ODF2L: variants seen among roughly 807,000 people sequenced by gnomAD.
ODF2L encodes outer dense fiber of sperm tails 2 like, also known as protein BCAP.
A neutral mutation model predicts 86.3 loss-of-function variants in ODF2L; 76 were observed. That is an observed-to-expected ratio of 0.88 (90% CI 0.73 to 1.07). ODF2L has a LOEUF of 1.07. Ranked by LOEUF, ODF2L falls within the 50% of genes least tolerant of loss-of-function variation. The pLI is 0.00. For synonymous variants in ODF2L, 241 were observed against 231.3 expected (o/e 1.04, Z -0.38); for missense variants, 748 against 717.4 (o/e 1.04, Z -0.49).
intron 11 of ODF2L, among the ~76,000 whole-genome samples, chr1:86,364,206 T>A (rs562393618): frequency 6.6e-4 from 101 of 152,132 alleles, no homozygotes; most frequent in Non-Finnish European, 1.3e-3. Context: ...TTCAAGAAAA[T>A]AAGAAAATAA....
rs746213642 is a variant in ODF2L at position 86,360,430 on chromosome 1, GT to G, written c.1249del (p.Thr417LeufsTer12). ...TAAAATAAATGCAGTAGTCACCTGAGTTTTATACATTTCAATAAGGGTTTTC... is the reference window on the plus strand; with the variant it reads ...TAAAATAAATGCAGTAGTCACCTGAGTTTATACATTTCAATAAGGGTTTTC... On this transcript the variant is annotated frameshift_variant, in exon 12 of 18. Transcript: ENST00000317336. LOFTEE classifies it high-confidence loss of function. 4.5e-5 allele frequency: 65 copies of G among 1,437,016 alleles called. 1 individual carries two copies. The South Asian group carries it at 7.3e-4, about 16-fold the overall frequency. The allele number at this position is 1,437,016 out of a possible 1,614,324, so 89.0% of individuals were successfully genotyped here.
chr1:86,367,309 C>A (rs1659509138), intron 11 of ODF2L, among the ~76,000 whole-genome samples: 1 of 152,116 alleles, frequency 6.6e-6, no homozygotes, highest in African/African-American at 2.4e-5. Context: ...TTCTAATTTT[C>A]TCTGTCTTAA....
chr1:86,383,092 T>C, intron 5 of ODF2L, 42 bp downstream of exon 5: 1 of 1,365,500 alleles, frequency 7.3e-7, no homozygotes, highest in African/African-American at 1.4e-5. Context: ...CAAATAACAA[T>C]GACAGGAAGA....
chr1:86,376,297 T>G (rs1317477724), exon 8 of ODF2L: 2 of 1,613,206 alleles, frequency 1.2e-6, no homozygotes, highest in Non-Finnish European at 1.7e-6. Context: ...CCTTTGTTTG[T>G]AAACTTTAGA....
chr1:86,355,886 T>C (rs895640346), intron 14 of ODF2L: 2 of 158,752 alleles, frequency 1.3e-5, no homozygotes, highest in East Asian at 1.9e-4. Context: ...TGTCACCATC[T>C]TTGGACTGCT....
chr1:86,383,666 C>T (rs945500874), intron 4 of ODF2L, among the ~76,000 whole-genome samples: 1 of 151,728 alleles, frequency 6.6e-6, no homozygotes, highest in Non-Finnish European at 1.5e-5. Flanking sequence ...AGTCATACTT[C>T]TGCTTTAGAA....
intron 8 of ODF2L, among the ~76,000 whole-genome samples, 200 bp from the exon 9 acceptor site, chr1:86,372,740 A>G (rs1432837941): frequency 3.3e-5 from 5 of 152,222 alleles, no homozygotes; most frequent in African/African-American, 1.2e-4. Flanking sequence ...AATGCCCACC[A>G]ACCAATGAGT....
At chr1:86,377,159 AC>A (rs1281907980) in intron 7 of ODF2L, among the ~76,000 whole-genome samples, 1 of 152,148 alleles carries the variant, frequency 6.6e-6, no homozygotes. Context: ...GGGCTACAGG[AC>A]CCATGCAAGT....
intron 7 of ODF2L, among the ~76,000 whole-genome samples, chr1:86,381,036 A>C (rs768023275): frequency 4.6e-5 from 7 of 152,052 alleles, no homozygotes; most frequent in Non-Finnish European, 7.4e-5. Flanking sequence ...TGAACCCCTT[A>C]ATCACTTAAT....
At position 86,356,684 on chromosome 1, in the gene ODF2L, T is replaced by C. The variant is rs1330191145; in HGVS notation, c.1360-82A>G. The C allele has an allele frequency of 1.6e-5, 19 of 1,172,244 alleles. No individual in the cohort carries two copies. The South Asian group carries it at 3.6e-4, about 22-fold the overall frequency. The allele number at this position is 1,172,244 out of a possible 1,614,324, so 72.6% of individuals were successfully genotyped here. A position where few individuals can be genotyped will look rare whatever the true frequency, so the allele number is the denominator to read the frequency against. On this transcript the variant is annotated intron_variant, in intron 13 of 17. Transcript: ENST00000317336. ...TTATTATCTTAAATACTAGATATGC[T>C]TATAACGTAAGTATTTTAGGTATAA...
At chr1:86,356,983 T>C (rs1347030995) in intron 13 of ODF2L, among the ~76,000 whole-genome samples, 1 of 152,244 alleles carries the variant, frequency 6.6e-6, no homozygotes, top group Non-Finnish European at 1.5e-5. Context: ...TTGTCACTTT[T>C]AGTCATTCAA....
chr1:86,383,832 T>G (rs1272390230), intron 4 of ODF2L, among the ~76,000 whole-genome samples: 1 of 151,780 alleles, frequency 6.6e-6, no homozygotes, highest in Non-Finnish European at 1.5e-5. Context: ...TTCCTTTCTA[T>G]TCAAAAAATA....
chr1:86,377,105 TA>T (rs1157134048), intron 7 of ODF2L, among the ~76,000 whole-genome samples: 1 of 152,082 alleles, frequency 6.6e-6, no homozygotes, highest in Non-Finnish European at 1.5e-5. Flanking sequence ...AGGTATTAGG[TA>T]AATGTTCCCA....
chr1:86,384,695 C>T lies in ODF2L; in HGVS notation c.353G>A (p.Arg118Lys). 2.0e-6 allele frequency: 3 copies of T among 1,500,852 alleles called. No homozygotes were observed. Among genetic ancestry groups the T allele is most frequent in the Non-Finnish European group, 2.7e-6 (3 of 1,125,758 alleles). The allele number at this position is 1,500,852 out of a possible 1,614,324, so 93.0% of individuals were successfully genotyped here. Residue 118 changes from arginine (R) to lysine (K), a missense_variant, in exon 4 of 18, where the codon AGA (arginine) becomes AAA (lysine). Arg to Lys is a conservative substitution (Grantham distance 26, BLOSUM62 2). Coordinates refer to ENST00000317336, the Ensembl canonical transcript of ODF2L. ...CCTTACTTGTTTGTAGTCTCTCTTT[C>T]TAAGAAGATGTTCTAAAGCTAGTTT... is the stretch of plus-strand genomic sequence containing the variant.
In ODF2L at chr1:86,392,544, A is replaced by C. The variant is rs541194383; in HGVS notation, c.-60+3489T>G. ...GATGGAATTGGAGACTATTACTCTA[A>C]GTGAAGTAACTCAGCAATAAAAAAC... On this transcript the variant is annotated intron_variant, in intron 1 of 17. Coordinates refer to ENST00000317336, the Ensembl canonical transcript of ODF2L. Among the ~76,000 whole-genome samples, 35 of 152,342 alleles carry C rather than the reference A, an allele frequency of 2.3e-4. 1 individual carries two copies. The South Asian group carries it at 6.8e-3, about 30-fold the overall frequency.
chr1:86,378,758 T>C lies in ODF2L; in HGVS notation c.625-2340A>G, dbSNP rs570160424. On this transcript the variant is annotated intron_variant, in intron 7 of 17. Coordinates refer to ENST00000317336, the Ensembl canonical transcript of ODF2L. The stretch of plus-strand genomic sequence containing the variant: ...AGGATGGGGGAAACCACCCCCATGA[T>C]CCAATCACCTCCCACCAGGTCTCTC... 2.8e-3 allele frequency among the ~76,000 whole-genome samples: 422 copies of C among 152,096 alleles called. 2 individuals carry two copies. Among genetic ancestry groups the C allele is most frequent in the African/African-American group, 9.8e-3 (406 of 41,508 alleles).
chr1:86,354,871 A>T lies in ODF2L; in HGVS notation c.1519-12T>A, dbSNP rs1658419190. The T allele has an allele frequency of 6.6e-7, 1 of 1,515,814 alleles. No individual in the cohort carries two copies. The highest frequency in any genetic ancestry group is 9.0e-7 in the Non-Finnish European group (1 of 1,110,952). The allele number at this position is 1,515,814 out of a possible 1,614,324, so 93.9% of individuals were successfully genotyped here. On this transcript the variant is annotated splice_polypyrimidine_tract_variant and intron_variant, in intron 14 of 17. Transcript: ENST00000317336. ...TGATTTCCATCAACCTAAAAGAAAA[A>T]AAAAAGTTTTCTTAGTCATTTTCTT... is the stretch of plus-strand genomic sequence containing the variant.
At chr1:86,347,881 GTTCTTT>G (rs1176522172), downstream of ODF2L, 1 of 152,116 alleles carries the variant, frequency 6.6e-6, no homozygotes, top group Non-Finnish European at 1.5e-5. Context: ...TAGCAAACAA[GTTCTTT>G]TTCAACTTGG....
chr1:86,370,614 TATGGAAAGCAA>T (rs1327727018), intron 10 of ODF2L, among the ~76,000 whole-genome samples: 2 of 152,124 alleles, frequency 1.3e-5, no homozygotes, highest in African/African-American at 4.8e-5. Flanking sequence ...CTCTGGTACC[TATGGAAAGCAA>T]TTACCCCTTG....
Sources: allele counts gnomAD v4.1 joint callset (sites outside exome capture counted in the v4.1 genomes callset), GRCh38; gene constraint gnomAD v4.1.1; transcripts MANE v1.5; gene names NCBI Gene and HGNC (gene_info 2026-07-23, HGNC 2026-07-21).